The following SLC30A6 variants were observed in gnomAD, a reference collection of about 807,000 sequenced individuals.
SLC30A6 encodes zinc transporter 6.
In SLC30A6, 55 loss-of-function variants were observed where a neutral mutation model predicts 63.0. The ratio of observed to expected loss-of-function variants is 0.87; its 90% CI spans 0.70 to 1.09. The LOEUF is 1.09. SLC30A6 is among the 50% of genes least tolerant of loss of function. The pLI is 0.00. For missense variants in SLC30A6, 587 were observed against 549.2 expected, an observed-to-expected ratio of 1.07 and a Z score of -0.69; for synonymous variants, 224 against 186.1, an observed-to-expected ratio of 1.20 and a Z score of -1.66.
chr2:32,197,306 T>C (rs1327525470), intron 8 of SLC30A6, 38 bp from the exon 9 acceptor site: 2 of 1,543,588 alleles, frequency 1.3e-6, no homozygotes, highest in Admixed American at 2.1e-5. Context: ...GGTTTTTTTT[T>C]CTTCTATATA....
At chr2:32,169,238 A>T (rs12997026) in intron 1 of SLC30A6, among the ~76,000 whole-genome samples, 73,518 of 151,944 alleles carry the variant, frequency 0.48, 18,023 homozygotes, top group East Asian at 0.63. Flanking sequence ...TAAAGTGTGA[A>T]CCTGGCTCAC....
At chr2:32,206,403 G>C (rs1387793878) in intron 11 of SLC30A6, among the ~76,000 whole-genome samples, 1 of 150,622 alleles carries the variant, frequency 6.6e-6, no homozygotes, top group Non-Finnish European at 1.5e-5. Context: ...CCAAGATTGC[G>C]CCACTGCATT....
rs772431894 is a variant in SLC30A6, at chr2:32,192,434, A to G, written c.365+18A>G. 4 of 1,595,820 alleles carry G rather than the reference A, an allele frequency of 2.5e-6. No individual in the cohort carries two copies. In the African/African-American group the frequency reaches 5.4e-5, roughly 21 times the overall value. On this transcript the variant is annotated intron_variant, in intron 6 of 13. Transcript: ENST00000282587. Reference sequence around the variant, plus strand: ...AAAGAAAGGTACATTTGTATAGGATATTATTCTAAATCCCCCCATGACACC... The same window carrying G: ...AAAGAAAGGTACATTTGTATAGGATGTTATTCTAAATCCCCCCATGACACC...
chr2:32,208,404 T>C (rs1291441637), intron 12 of SLC30A6, among the ~76,000 whole-genome samples: 3 of 152,172 alleles, frequency 2.0e-5, no homozygotes, highest in African/African-American at 2.4e-5. Flanking sequence ...ATGCTGGGAT[T>C]ACAGGCATGA....
At chr2:32,187,010 A>G (rs1474038661) in intron 5 of SLC30A6, 4 of 357,760 alleles carry the variant, frequency 1.1e-5, no homozygotes, top group Non-Finnish European at 2.2e-5. Flanking sequence ...AAAAAAAAAA[A>G]AAAAAGAAAG....
At chr2:32,192,874 T>TTATATATATA (rs1157352065) in intron 6 of SLC30A6, 44 bp from the exon 7 acceptor site, 1 of 1,270,058 alleles carries the variant, frequency 7.9e-7, no homozygotes, top group Non-Finnish European at 1.1e-6. Context: ...CTTTTTAACT[T>TTATATATATA]TATAATTTAT....
chr2:32,173,827 A>G (rs559677968), intron 2 of SLC30A6, among the ~76,000 whole-genome samples: 70 of 152,286 alleles, frequency 4.6e-4, no homozygotes, highest in African/African-American at 1.4e-3. Context: ...GAGAATTTCT[A>G]TGTCAGAATT....
chr2:32,192,999 A>C lies in SLC30A6; in HGVS notation c.401+46A>C, dbSNP rs548712879. On this transcript the variant is annotated intron_variant, in intron 7 of 13. Coordinates refer to ENST00000282587, the MANE Select transcript of SLC30A6 (RefSeq NM_017964.5). Reference sequence around the variant, plus strand: ...TATAATTTACTATTGATTCTTAATTATTAATTGATGTATTATTAAACAGTT... The same window carrying C: ...TATAATTTACTATTGATTCTTAATTCTTAATTGATGTATTATTAAACAGTT... The C allele has an allele frequency of 3.4e-6, 4 of 1,187,810 alleles. No homozygotes were observed. In the African/African-American group the frequency reaches 6.3e-5, roughly 19 times the overall value. The allele number at this position is 1,187,810 out of a possible 1,614,324, so 73.6% of individuals were successfully genotyped here.
intron 10 of SLC30A6, chr2:32,203,214 A>T: frequency 9.1e-7 from 1 of 1,097,006 alleles, no homozygotes; most frequent in Non-Finnish European, 1.4e-6. Flanking sequence ...TGTTGAGTCT[A>T]TATCCATCGT....
intron 4 of SLC30A6, among the ~76,000 whole-genome samples, chr2:32,183,485 C>G (rs568989049): frequency 3.3e-5 from 5 of 151,868 alleles, no homozygotes; most frequent in Admixed American, 2.6e-4. Flanking sequence ...AGTTCAAGAC[C>G]AGCCTGGCCA....
chr2:32,204,081 A>G (rs1162319878), intron 10 of SLC30A6: 2 of 522,688 alleles, frequency 3.8e-6, no homozygotes. Context: ...TTAGGTCATC[A>G]TAGTTGAGGT....
intron 1 of SLC30A6, among the ~76,000 whole-genome samples, chr2:32,168,448 A>G (rs1680882064): frequency 6.7e-6 from 1 of 149,534 alleles, no homozygotes; most frequent in South Asian, 2.1e-4. Flanking sequence ...TATTAAAAAT[A>G]TAAGTATATA....
chr2:32,199,565 A>G (rs1684085191), intron 10 of SLC30A6, among the ~76,000 whole-genome samples: 1 of 152,248 alleles, frequency 6.6e-6, no homozygotes, highest in Admixed American at 6.5e-5. Context: ...TGTTCTAATT[A>G]TGCTCTTGTT....
intron 1 of SLC30A6, among the ~76,000 whole-genome samples, chr2:32,166,529 TTC>T (rs1680674094): frequency 6.6e-6 from 1 of 152,260 alleles, no homozygotes; most frequent in Non-Finnish European, 1.5e-5. Flanking sequence ...ATATGGTGTT[TTC>T]TCTCAAATTT....
intron 5 of SLC30A6, among the ~76,000 whole-genome samples, chr2:32,189,347 A>G (rs1226010140): frequency 6.9e-6 from 1 of 144,718 alleles, no homozygotes; most frequent in African/African-American, 2.6e-5. Context: ...GCTGGAGTGC[A>G]GTGGTGCGAC....
Position 32,165,875 on chromosome 2 carries a change from C to T in SLC30A6, c.-26C>T. ...AAACTCGAGCACCCAGAACGGCTTC[C>T]GGCGGGAGCTGTGCAGCTCCTTATC... On this transcript the variant is annotated 5_prime_UTR_variant, in exon 1 of 14. Transcript: ENST00000282587. The T allele has an allele frequency of 1.2e-6, 2 of 1,613,986 alleles. No homozygotes were observed. Among genetic ancestry groups the T allele is most frequent in the Non-Finnish European group, 1.7e-6 (2 of 1,179,906 alleles).
At chr2:32,167,021 T>C (rs1005272118) in intron 1 of SLC30A6, among the ~76,000 whole-genome samples, 1 of 152,164 alleles carries the variant, frequency 6.6e-6, no homozygotes, top group Non-Finnish European at 1.5e-5. Flanking sequence ...AAAGTCCTGT[T>C]TAGCATGGCA....
At chr2:32,209,351 T>A in intron 12 of SLC30A6, 142 bp from the exon 13 acceptor site, 1 of 605,206 alleles carries the variant, frequency 1.7e-6, no homozygotes. Flanking sequence ...TTGAGTGGTC[T>A]GAGACTTCTC....
intron 4 of SLC30A6, among the ~76,000 whole-genome samples, chr2:32,181,707 A>G (rs1682329984): frequency 6.6e-6 from 1 of 152,028 alleles, no homozygotes; most frequent in South Asian, 2.1e-4. Context: ...TCTCTACTAA[A>G]ATACCAAAAA....
Sources: gnomAD v4.1 joint callset for allele counts (sites outside exome capture counted in the v4.1 genomes callset) on GRCh38, gnomAD v4.1.1 for gene constraint, MANE v1.5 for transcripts, NCBI Gene and HGNC (gene_info 2026-07-23, HGNC 2026-07-21) for gene names.